Variants in RBBP8 observed in about 807,000 individuals in gnomAD.
RBBP8 encodes DNA endonuclease RBBP8.
RBBP8 carries 88 observed loss-of-function variants against 108.3 expected under a neutral mutation model. The ratio of observed to expected loss-of-function variants is 0.81; its 90% CI spans 0.68 to 0.97. The LOEUF is 0.97. RBBP8 is among the 50% of genes least tolerant of loss of function. The pLI, the probability that RBBP8 is intolerant of heterozygous loss-of-function variation, is 0.00. For missense variants in RBBP8, 1,023 were observed against 1,049.0 expected (o/e 0.98, Z 0.34); for synonymous variants, 332 against 348.2 (o/e 0.95, Z 0.52).
chr18:22,937,758 G>A (rs1045774588), intron 2 of RBBP8, among the ~76,000 whole-genome samples: 17 of 151,818 alleles, frequency 1.1e-4, no homozygotes, highest in African/African-American at 3.9e-4. Context: ...GATTACAGAC[G>A]TGAGCCACTG....
intron 8 of RBBP8, 155 bp downstream of exon 8, chr18:22,985,145 A>T: frequency 1.8e-6 from 1 of 556,202 alleles, no homozygotes; most frequent in Middle Eastern, 8.8e-4. Context: ...ATTGGAAAGT[A>T]ATGTTATCCT....
intron 16 of RBBP8, among the ~76,000 whole-genome samples, chr18:23,006,872 C>T (rs1371440036): frequency 6.6e-6 from 1 of 151,960 alleles, no homozygotes; most frequent in Non-Finnish European, 1.5e-5. Flanking sequence ...AAATTATTTA[C>T]TTTATGGTCA....
chr18:22,977,206 T>C (rs1173220346), intron 6 of RBBP8, among the ~76,000 whole-genome samples: 1 of 105,460 alleles, frequency 9.5e-6, no homozygotes, highest in East Asian at 1.9e-4. Context: ...AGTTTTGTTT[T>C]GTTTTGTTTT....
intron 16 of RBBP8, among the ~76,000 whole-genome samples, chr18:23,013,990 A>T (rs1173014712): frequency 6.6e-6 from 1 of 151,816 alleles, no homozygotes; most frequent in East Asian, 1.9e-4. Context: ...GTACAAGGAG[A>T]TGAATTTTTT....
chr18:22,938,189 T>A (rs1342009918), intron 2 of RBBP8, among the ~76,000 whole-genome samples: 1 of 152,136 alleles, frequency 6.6e-6, no homozygotes, highest in East Asian at 1.9e-4. Context: ...TGGAGTGCAG[T>A]GGTGCAAACA....
Position 23,006,407 on chromosome 18 carries a change from G to C in RBBP8, c.2332G>C (p.Glu778Gln), listed in dbSNP as rs2144768138. 6.2e-7 allele frequency: 1 copy of C among 1,613,624 alleles called. No homozygotes were observed. Among genetic ancestry groups the C allele is most frequent in the East Asian group, 2.2e-5 (1 of 44,856 alleles). ...QDKVKQKAFV[E>Q]PYFKGDERET... is the part of the protein sequence containing the mutation. ...CAAAGTCAAGCAGAAAGCGTTTGTG[G>C]AGCCGTATTTTAAAGGTGATGAAAG... is the stretch of plus-strand genomic sequence containing the variant. The change falls in exon 16 of 19, where the codon GAG becomes CAG. Residue 778 changes from glutamate (E) to glutamine (Q), a missense_variant. Glu to Gln is a conservative substitution (Grantham distance 29, BLOSUM62 2). Coordinates refer to ENST00000327155, the MANE Select transcript of RBBP8 (RefSeq NM_002894.3).
chr18:22,926,892 A>C (rs1809414923), intron 3 of RBBP8, among the ~76,000 whole-genome samples: 1 of 152,196 alleles, frequency 6.6e-6, no homozygotes, highest in Non-Finnish European at 1.5e-5. Context: ...ACCAATGTTA[A>C]ATATATATTT....
intron 13 of RBBP8, among the ~76,000 whole-genome samples, chr18:22,997,072 T>G (rs1433609793): frequency 6.6e-6 from 1 of 152,244 alleles, no homozygotes; most frequent in Admixed American, 6.5e-5. Context: ...TCATCATGTC[T>G]TCATTACCTT....
intron 12 of RBBP8, among the ~76,000 whole-genome samples, chr18:22,994,366 G>A (rs1321313037): frequency 4.0e-5 from 6 of 148,844 alleles, no homozygotes; most frequent in African/African-American, 7.3e-5. Flanking sequence ...TTGTTGGCCC[G>A]GTACGGTGGC....
At chr18:22,996,030 A>G (rs1243648892) in intron 12 of RBBP8, among the ~76,000 whole-genome samples, 1 of 152,036 alleles carries the variant, frequency 6.6e-6, no homozygotes, top group Non-Finnish European at 1.5e-5. Context: ...CAGTATCTCC[A>G]CCTCCTCACT....
At chr18:22,982,929 C>T (rs965394947) in intron 7 of RBBP8, among the ~76,000 whole-genome samples, 2 of 152,202 alleles carry the variant, frequency 1.3e-5, no homozygotes, top group Non-Finnish European at 2.9e-5. Flanking sequence ...TAGCTCTGAA[C>T]TTTCCTACTC....
intron 4 of RBBP8, among the ~76,000 whole-genome samples, chr18:22,962,600 A>C (rs1913195195): frequency 6.6e-6 from 1 of 150,702 alleles, no homozygotes; most frequent in Non-Finnish European, 1.5e-5. Flanking sequence ...TCTGTCGCCC[A>C]AGCTGGAGTG....
chr18:22,917,870 T>C (rs544787980), intron 3 of RBBP8, among the ~76,000 whole-genome samples: 1 of 151,850 alleles, frequency 6.6e-6, no homozygotes, highest in East Asian at 1.9e-4. Context: ...TGGTGGTGCG[T>C]GCCTGTAGTC....
intron 18 of RBBP8, chr18:23,024,695 T>G (rs1266374579): frequency 6.6e-6 from 1 of 152,222 alleles, no homozygotes; most frequent in African/African-American, 2.4e-5. Flanking sequence ...TGTACCTGAT[T>G]CGTCTTAAGA....
At chr18:23,014,509 T>C (rs993215167) in intron 16 of RBBP8, among the ~76,000 whole-genome samples, 2 of 152,176 alleles carry the variant, frequency 1.3e-5, no homozygotes, top group South Asian at 2.1e-4. Context: ...GGCTTGCACC[T>C]GTAGTCCTAG....
chr18:22,996,627 A>C (rs912306277), intron 13 of RBBP8, among the ~76,000 whole-genome samples, 165 bp downstream of exon 13: 1 of 152,232 alleles, frequency 6.6e-6, no homozygotes, highest in Non-Finnish European at 1.5e-5. Flanking sequence ...TATTCTTCTA[A>C]CTTTATGGTA....
intron 2 of RBBP8, among the ~76,000 whole-genome samples, chr18:22,942,725 T>TC (rs1379366951): frequency 6.6e-6 from 1 of 152,050 alleles, no homozygotes; most frequent in Non-Finnish European, 1.5e-5. Context: ...ATTTCAAAAG[T>TC]TTTAAAGCAT....
chr18:23,012,296 C>G (rs536913525), intron 16 of RBBP8, among the ~76,000 whole-genome samples: 1 of 146,526 alleles, frequency 6.8e-6, no homozygotes, highest in African/African-American at 2.5e-5. Context: ...ACTTTTAAAT[C>G]AAATGCTAGA....
At chr18:22,984,831 A>C in intron 7 of RBBP8, 55 bp from the exon 8 acceptor site, 1 of 994,120 alleles carries the variant, frequency 1.0e-6, no homozygotes, top group South Asian at 1.6e-5. Flanking sequence ...TAATTTGATA[A>C]TGCTTTTCAT....
Sources: gnomAD v4.1 joint callset for allele counts (sites outside exome capture counted in the v4.1 genomes callset) on GRCh38, gnomAD v4.1.1 for gene constraint, MANE v1.5 for transcripts, NCBI Gene and HGNC (gene_info 2026-07-23, HGNC 2026-07-21) for gene names.